The following RAD51B variants were observed in gnomAD, a reference collection of about 807,000 sequenced individuals.
RAD51B encodes DNA repair protein RAD51 homolog 2.
RAD51B carries 38 observed loss-of-function variants against 42.2 expected under a neutral mutation model. The observed-to-expected ratio is 0.90, with a 90% CI of 0.70 to 1.18. The LOEUF (loss-of-function observed/expected upper bound fraction) is 1.18, where lower values mean the gene tolerates loss of function less well. RAD51B is among the 50% of genes most tolerant of loss of function. The pLI, the probability that RAD51B is intolerant of heterozygous loss-of-function variation, is 0.00. For missense variants in RAD51B, 373 were observed against 400.7 expected (o/e 0.93, Z 0.59); for synonymous variants, 154 against 145.2 (o/e 1.06, Z -0.43).
intron 7 of RAD51B, among the ~76,000 whole-genome samples, chr14:68,155,821 T>A (rs1308878071): frequency 1.3e-5 from 2 of 152,236 alleles, no homozygotes; most frequent in African/African-American, 4.8e-5. Context: ...TTTTGCAGTT[T>A]TCAGCAAGTG....
rs58443114 is a variant in RAD51B at position 68,632,399 on chromosome 14, C to T, written c.1037-18382C>T. On this transcript the variant is annotated intron_variant, in intron 10 of 11. Transcript: ENST00000488612. ...CGGCCAAGTGAGCACAGGAGCCGCT[C>T]GGCCGTCTGGGACTGTGATGTGATG... Among the ~76,000 whole-genome samples, 221 of 152,308 alleles carry T rather than the reference C, an allele frequency of 1.5e-3. 1 individual carries two copies. Among genetic ancestry groups the T allele is most frequent in the African/African-American group, 5.1e-3 (210 of 41,564 alleles).
At chr14:68,681,303 C>T (rs939576258) in intron 11 of RAD51B, among the ~76,000 whole-genome samples, 2 of 151,906 alleles carry the variant, frequency 1.3e-5, no homozygotes, top group African/African-American at 2.4e-5. Flanking sequence ...TCCAAATCAG[C>T]GGAGAGTCAG....
intron 10 of RAD51B, among the ~76,000 whole-genome samples, chr14:68,557,216 C>T (rs912726113): frequency 6.6e-6 from 1 of 152,174 alleles, no homozygotes; most frequent in African/African-American, 2.4e-5. Flanking sequence ...CCAATAAACC[C>T]ATCGAAAGTT....
chr14:68,179,596 A>G (rs17105088), intron 7 of RAD51B, among the ~76,000 whole-genome samples: 3,649 of 152,254 alleles, frequency 0.024, 116 homozygotes, highest in African/African-American at 0.072. Flanking sequence ...TTAGTCTAGA[A>G]CAGTGCTTCA....
chr14:68,035,083 T>C (rs2076100590), intron 7 of RAD51B, among the ~76,000 whole-genome samples: 1 of 152,226 alleles, frequency 6.6e-6, no homozygotes, highest in African/African-American at 2.4e-5. Flanking sequence ...TACCCAGTTC[T>C]TTTCCCGTAT....
chr14:68,060,920 T>C (rs1359968031), intron 7 of RAD51B, among the ~76,000 whole-genome samples: 1 of 152,170 alleles, frequency 6.6e-6, no homozygotes, highest in African/African-American at 2.4e-5. Context: ...TTCTCTATTC[T>C]CTTGCATTGG....
intron 7 of RAD51B, among the ~76,000 whole-genome samples, chr14:67,988,046 A>G (rs926946099): frequency 1.3e-5 from 2 of 152,240 alleles, no homozygotes; most frequent in Non-Finnish European, 2.9e-5. Context: ...ACCCAATAAC[A>G]ACCAACAAAC....
intron 7 of RAD51B, among the ~76,000 whole-genome samples, chr14:67,977,190 C>A (rs992622018): frequency 6.6e-6 from 1 of 152,196 alleles, no homozygotes; most frequent in African/African-American, 2.4e-5. Flanking sequence ...AATTTTCTGA[C>A]AGCAAAATCC....
intron 7 of RAD51B, among the ~76,000 whole-genome samples, chr14:68,026,354 A>G (rs2075956522): frequency 6.6e-6 from 1 of 152,192 alleles, no homozygotes; most frequent in African/African-American, 2.4e-5. Context: ...ATAGATGTCT[A>G]TTAGGTCTAA....
At chr14:68,674,595 A>G (rs1249472618) in intron 11 of RAD51B, among the ~76,000 whole-genome samples, 1 of 152,130 alleles carries the variant, frequency 6.6e-6, no homozygotes, top group Admixed American at 6.5e-5. Flanking sequence ...AAAGTCAGAA[A>G]ATGTGTATGA....
intron 7 of RAD51B, among the ~76,000 whole-genome samples, chr14:68,202,598 T>TC (rs1420562095): frequency 1.4e-5 from 2 of 145,586 alleles, no homozygotes; most frequent in African/African-American, 5.2e-5. Flanking sequence ...TTTTTTTTTT[T>TC]TGAGACGGAG....
chr14:68,641,829 G>T (rs1892468489), intron 10 of RAD51B, among the ~76,000 whole-genome samples: 1 of 151,352 alleles, frequency 6.6e-6, no homozygotes, highest in African/African-American at 2.4e-5. Flanking sequence ...CTGAATTGCT[G>T]GGATTATAGG....
At chr14:67,888,034 GT>G (rs2043113833) in intron 7 of RAD51B, among the ~76,000 whole-genome samples, 1 of 152,070 alleles carries the variant, frequency 6.6e-6, no homozygotes, top group Admixed American at 6.5e-5. Context: ...TTTTAGATTT[GT>G]TTTTGGAAAA....
intron 10 of RAD51B, among the ~76,000 whole-genome samples, chr14:68,578,649 T>G (rs1479363288): frequency 5.3e-5 from 8 of 152,138 alleles, no homozygotes; most frequent in Non-Finnish European, 1.2e-4. Flanking sequence ...CAAAGGGCCC[T>G]TATAATGATA....
chr14:68,482,306 C>T (rs1566908278), downstream of RAD51B, among the ~76,000 whole-genome samples: 2 of 151,998 alleles, frequency 1.3e-5, no homozygotes, highest in South Asian at 4.1e-4. Context: ...TGTGTGGTCC[C>T]CGTCAGCCTA....
At chr14:68,035,735 C>T (rs79530830) in intron 7 of RAD51B, among the ~76,000 whole-genome samples, 2,451 of 152,178 alleles carry the variant, frequency 0.016, 59 homozygotes, top group African/African-American at 0.054. Context: ...GCAAATGGGA[C>T]GATAAAGAGG....
chr14:68,526,584 T>G (rs1217036328), intron 10 of RAD51B, among the ~76,000 whole-genome samples: 1 of 151,728 alleles, frequency 6.6e-6, no homozygotes, highest in Non-Finnish European at 1.5e-5. Context: ...GCCAGATGAG[T>G]GATTGTTAGG....
intron 7 of RAD51B, among the ~76,000 whole-genome samples, chr14:68,071,464 C>G (rs1000351351): frequency 1.4e-4 from 21 of 151,906 alleles, no homozygotes; most frequent in African/African-American, 5.1e-4. Flanking sequence ...GTTTTTAGCA[C>G]AAAAGGATGT....
intron 7 of RAD51B, among the ~76,000 whole-genome samples, chr14:68,036,038 G>A (rs746849425): frequency 1.3e-4 from 20 of 152,290 alleles, no homozygotes; most frequent in South Asian, 4.1e-4. Flanking sequence ...CCTGTTATCC[G>A]TGGTTTATCT....
Sources: allele counts gnomAD v4.1 joint callset (sites outside exome capture counted in the v4.1 genomes callset), GRCh38; gene constraint gnomAD v4.1.1; transcripts MANE v1.5; gene names NCBI Gene and HGNC (gene_info 2026-07-23, HGNC 2026-07-21).